The following ABL1 variants were observed in gnomAD, a reference collection of about 807,000 sequenced individuals.
ABL1 encodes the protein ABL proto-oncogene 1, non-receptor tyrosine kinase.
In ABL1, 11 loss-of-function variants were observed where a neutral mutation model predicts 94.7. The ratio of observed to expected loss-of-function variants is 0.12; its 90% CI spans 0.07 to 0.19. The LOEUF (loss-of-function observed/expected upper bound fraction) is 0.19. ABL1 is among the 10% of genes least tolerant of loss of function. The pLI, the probability that ABL1 is intolerant of heterozygous loss-of-function variation, is 1.00. For missense variants in ABL1, 1,082 were observed against 1,489.4 expected (o/e 0.73, Z 4.50); for synonymous variants, 656 against 622.4 (o/e 1.05, Z -0.80).
intron 1 of ABL1, among the ~76,000 whole-genome samples, chr9:130,793,773 A>G (rs1167254252): frequency 2.6e-5 from 4 of 152,134 alleles, no homozygotes; most frequent in African/African-American, 9.7e-5. Context: ...AGCGGCAGGT[A>G]AGCAATGAAG....
At chr9:130,719,169 G>C (rs1268771361) in intron 1 of ABL1, among the ~76,000 whole-genome samples, 1 of 152,046 alleles carries the variant, frequency 6.6e-6, no homozygotes, top group Non-Finnish European at 1.5e-5. Context: ...TTTTTGGTTT[G>C]TGTGATGTTC....
intron 10 of ABL1, 136 bp from the exon 11 acceptor site, chr9:130,883,833 T>C: frequency 8.9e-7 from 1 of 1,120,184 alleles, no homozygotes; most frequent in Non-Finnish European, 1.3e-6. Context: ...TTTGTTTGTT[T>C]GTTTTGAGAT....
At chr9:130,759,912 C>A (rs1267397769) in intron 1 of ABL1, among the ~76,000 whole-genome samples, 1 of 151,982 alleles carries the variant, frequency 6.6e-6, no homozygotes, top group Non-Finnish European at 1.5e-5. Flanking sequence ...CCCATCTCAG[C>A]CTCTCAACTA....
intron 1 of ABL1, among the ~76,000 whole-genome samples, chr9:130,798,966 C>CAAAAAGAAAAA (rs1830018159): frequency 1.5e-5 from 1 of 66,836 alleles, no homozygotes; most frequent in Non-Finnish European, 3.1e-5. Context: ...GACTCCGTCT[C>CAAAAAGAAAAA]AAAAAAAAAA....
At chr9:130,851,122 C>T (rs1830853148) in intron 1 of ABL1, among the ~76,000 whole-genome samples, 1 of 152,000 alleles carries the variant, frequency 6.6e-6, no homozygotes, top group South Asian at 2.1e-4. Flanking sequence ...GACGGGGCTT[C>T]ACCGTGTTAG....
intron 1 of ABL1, among the ~76,000 whole-genome samples, chr9:130,787,087 A>C (rs995594178): frequency 7.9e-5 from 12 of 152,124 alleles, no homozygotes; most frequent in African/African-American, 2.7e-4. Context: ...TCTGATAGGC[A>C]CTTCAGCTTT....
At chr9:130,836,421 T>G (rs900628568) in intron 1 of ABL1, among the ~76,000 whole-genome samples, 7 of 152,216 alleles carry the variant, frequency 4.6e-5, no homozygotes, top group Non-Finnish European at 7.3e-5. Context: ...GAAATTGATC[T>G]GATTTGAGAC....
intron 3 of ABL1, among the ~76,000 whole-genome samples, chr9:130,860,307 A>T (rs1016778661): frequency 1.3e-5 from 2 of 152,228 alleles, no homozygotes; most frequent in Non-Finnish European, 2.9e-5. Flanking sequence ...AGTAAGTGTC[A>T]GTATGTAAGT....
chr9:130,882,034 C>T (rs966265530), intron 10 of ABL1, among the ~76,000 whole-genome samples: 27 of 152,160 alleles, frequency 1.8e-4, no homozygotes, highest in African/African-American at 7.2e-5. Context: ...CAATACTTCC[C>T]GCCCCGCTGG....
intron 1 of ABL1, among the ~76,000 whole-genome samples, chr9:130,824,648 G>T (rs1830402657): frequency 6.6e-6 from 1 of 152,178 alleles, no homozygotes; most frequent in Non-Finnish European, 1.5e-5. Context: ...AGGAGGGGTG[G>T]TAAACAAGGA....
At chr9:130,783,037 A>G (rs547792216) in intron 1 of ABL1, among the ~76,000 whole-genome samples, 1 of 152,294 alleles carries the variant, frequency 6.6e-6, no homozygotes, top group Non-Finnish European at 1.5e-5. Context: ...TTACACCATC[A>G]CATCATTGCC....
intron 4 of ABL1, among the ~76,000 whole-genome samples, chr9:130,866,870 G>T (rs1365699044): frequency 6.6e-6 from 1 of 152,162 alleles, no homozygotes; most frequent in African/African-American, 2.4e-5. Flanking sequence ...GGGGAACGGG[G>T]TCTCACTGTG....
At chr9:130,798,903 G>A (rs1479187367) in intron 1 of ABL1, among the ~76,000 whole-genome samples, 6 of 149,910 alleles carry the variant, frequency 4.0e-5, no homozygotes, top group Admixed American at 1.3e-4. Flanking sequence ...CCCAGGAGGC[G>A]GAGGTTGCAG....
chr9:130,815,066 G>T (rs369905402), intron 1 of ABL1, among the ~76,000 whole-genome samples: 1 of 152,168 alleles, frequency 6.6e-6, no homozygotes, highest in African/African-American at 2.4e-5. Flanking sequence ...GGGCATGGTG[G>T]CTCACGCCTG....
intron 1 of ABL1, among the ~76,000 whole-genome samples, chr9:130,781,215 G>C (rs1829750943): frequency 6.6e-6 from 1 of 152,150 alleles, no homozygotes; most frequent in Admixed American, 6.5e-5. Flanking sequence ...AACCCTTCTT[G>C]AGTGGCGTAC....
intron 1 of ABL1, among the ~76,000 whole-genome samples, chr9:130,824,518 G>C (rs1830401358): frequency 6.6e-6 from 1 of 152,080 alleles, no homozygotes; most frequent in Non-Finnish European, 1.5e-5. Context: ...GCATCCTGGG[G>C]GTCTAGTCAA....
At chr9:130,729,464 G>C (rs577840943) in intron 1 of ABL1, among the ~76,000 whole-genome samples, 1 of 152,126 alleles carries the variant, frequency 6.6e-6, no homozygotes, top group Non-Finnish European at 1.5e-5. Flanking sequence ...TGCTTCCTCA[G>C]TTCACAGAGA....
intron 1 of ABL1, among the ~76,000 whole-genome samples, chr9:130,774,357 C>T (rs962980514): frequency 6.6e-6 from 1 of 152,024 alleles, no homozygotes; most frequent in Non-Finnish European, 1.5e-5. Context: ...TGGTAGCTGT[C>T]GATGACACTT....
intron 1 of ABL1, among the ~76,000 whole-genome samples, chr9:130,829,087 G>A (rs1830462408): frequency 6.6e-6 from 1 of 152,166 alleles, no homozygotes; most frequent in African/African-American, 2.4e-5. Context: ...AAACTAGATA[G>A]TAGCAGATAA....
Sources: allele counts gnomAD v4.1 joint callset (sites outside exome capture counted in the v4.1 genomes callset), GRCh38; gene constraint gnomAD v4.1.1; transcripts MANE v1.5; gene names NCBI Gene and HGNC (gene_info 2026-07-23, HGNC 2026-07-21).